Variants in TDP1 observed in about 807,000 individuals in gnomAD.
TDP1 encodes tyrosyl-DNA phosphodiesterase 1.
In TDP1, 64 loss-of-function variants were observed where a neutral mutation model predicts 81.5. That is an observed-to-expected ratio of 0.79 (90% CI 0.64 to 0.97). The LOEUF (loss-of-function observed/expected upper bound fraction) is 0.97. TDP1 is among the 50% of genes least tolerant of loss of function. The probability of loss-of-function intolerance (pLI) is 0.00; values close to 1 mark genes in which losing one functional copy is unlikely to be tolerated. For missense variants in TDP1, 723 were observed against 743.8 expected (o/e 0.97, Z 0.33); for synonymous variants, 256 against 264.3 (o/e 0.97, Z 0.30).
intron 14 of TDP1, among the ~76,000 whole-genome samples, chr14:89,999,599 C>T (rs1897018188): frequency 6.6e-6 from 1 of 151,990 alleles, no homozygotes; most frequent in South Asian, 2.1e-4. Flanking sequence ...AAAACAAATT[C>T]CCCAGAAAAA....
intron 14 of TDP1, among the ~76,000 whole-genome samples, chr14:90,005,509 C>G (rs1416623062): frequency 6.6e-6 from 1 of 152,208 alleles, no homozygotes; most frequent in Non-Finnish European, 1.5e-5. Flanking sequence ...CCAAACCTCA[C>G]CTTTGTGAGG....
At chr14:89,956,086 G>A (rs954041108) in intron 1 of TDP1, 116 bp downstream of exon 1, 1 of 152,520 alleles carries the variant, frequency 6.6e-6, no homozygotes, top group African/African-American at 2.4e-5. Flanking sequence ...GGTCCGGCAG[G>A]GCTGGAGGCG....
chr14:90,020,800 C>CTT (rs869215666), intron 15 of TDP1, among the ~76,000 whole-genome samples: 4 of 123,042 alleles, frequency 3.3e-5, no homozygotes, highest in Non-Finnish European at 5.0e-5. Flanking sequence ...CTAATCCAGT[C>CTT]TTTTTTTTTT....
intron 15 of TDP1, among the ~76,000 whole-genome samples, chr14:90,025,815 C>T (rs1388820116): frequency 1.3e-5 from 2 of 152,222 alleles, no homozygotes; most frequent in African/African-American, 2.4e-5. Context: ...ACAAGTACTT[C>T]TCTCTTTGGA....
At chr14:89,964,750 C>T in intron 3 of TDP1, 4 of 300,422 alleles carry the variant, frequency 1.3e-5, no homozygotes, top group South Asian at 7.9e-5. Flanking sequence ...GAGAATTTTG[C>T]CAAGTTTTGC....
chr14:90,031,250 C>T, intron 15 of TDP1, among the ~76,000 whole-genome samples: 1 of 129,474 alleles, frequency 7.7e-6, no homozygotes, highest in Non-Finnish European at 1.6e-5. Context: ...TAAAGCTATC[C>T]CTCCCCCCTC....
chr14:89,997,614 TC>T (rs1424582780), intron 14 of TDP1, among the ~76,000 whole-genome samples: 6 of 152,164 alleles, frequency 3.9e-5, no homozygotes, highest in Non-Finnish European at 2.9e-5. Flanking sequence ...CTTTGCGACT[TC>T]CAGAGGAGAA....
At chr14:89,959,837 G>A (rs1383728589) in intron 2 of TDP1, among the ~76,000 whole-genome samples, 3 of 152,122 alleles carry the variant, frequency 2.0e-5, no homozygotes, top group Non-Finnish European at 4.4e-5. Context: ...ACATAATAAT[G>A]TACTTAGCAC....
intron 15 of TDP1, chr14:90,032,800 G>A: frequency 2.0e-6 from 2 of 984,906 alleles, no homozygotes; most frequent in Non-Finnish European, 2.4e-6. Flanking sequence ...TGTACATAAT[G>A]TTGGGTTGAA....
At chr14:90,007,944 G>C (rs548983253) in intron 14 of TDP1, among the ~76,000 whole-genome samples, 13 of 152,234 alleles carry the variant, frequency 8.5e-5, no homozygotes, top group Middle Eastern at 3.4e-3. Flanking sequence ...TTTGAGCTCA[G>C]TTGTTGGTAT....
chr14:89,963,638 A>G lies in TDP1; in HGVS notation c.524A>G (p.Lys175Arg). 1 of 1,614,096 alleles carries G rather than the reference A, an allele frequency of 6.2e-7. No individual in the cohort carries two copies. The highest frequency in any genetic ancestry group is 8.5e-7 in the Non-Finnish European group (1 of 1,179,974). Residue 175 changes from lysine (K) to arginine (R), a missense_variant, in exon 3 of 17, where the codon AAG (lysine) becomes AGG (arginine). Physicochemically the swap from Lys to Arg is conservative, Grantham distance 26. Transcript: ENST00000335725. ...TACCTCACTAGAGTCTCTGGAGTTA[A>G]GCCAAAGTATAACTCTGGAGCCCTC... ...QFYLTRVSGV[K>R]PKYNSGALHI... is the part of the protein sequence containing the mutation.
Position 89,984,587 on chromosome 14 carries a change from T to G in TDP1, c.956T>G (p.Phe319Cys). The change falls in exon 9 of 17, where the codon TTT becomes TGT. Residue 319 changes from phenylalanine to cysteine, a missense_variant. Transcript: ENST00000335725. ...AAATCTGGAGAGTCGCCAACACATT[T>G]TAAAGCTGATCTCATCAGTTACTTG... is the stretch of plus-strand genomic sequence containing the variant. ...THKSGESPTHFKADLISYLMA... is the reference protein window; with the variant it reads ...THKSGESPTHCKADLISYLMA... 6.2e-7 allele frequency: 1 copy of G among 1,614,160 alleles called. No homozygotes were observed. Among genetic ancestry groups the G allele is most frequent in the East Asian group, 2.2e-5 (1 of 44,880 alleles).
chr14:89,958,820 C>T (rs57055713), intron 2 of TDP1, among the ~76,000 whole-genome samples: 15,003 of 152,222 alleles, frequency 0.099, 1,944 homozygotes, highest in African/African-American at 0.3. Context: ...GATTTGTCTG[C>T]CTCCTGCCGC....
chr14:90,006,681 T>TG (rs1335159945), intron 14 of TDP1, among the ~76,000 whole-genome samples: 1 of 152,042 alleles, frequency 6.6e-6, no homozygotes, highest in Non-Finnish European at 1.5e-5. Flanking sequence ...GGATTACAGG[T>TG]GCCCGCGACC....
intron 16 of TDP1, among the ~76,000 whole-genome samples, chr14:90,035,786 TG>T (rs1039026798): frequency 6.6e-6 from 1 of 150,572 alleles, no homozygotes; most frequent in Non-Finnish European, 1.5e-5. Context: ...AAGTGGGGAC[TG>T]ACTGACTAGG....
chr14:89,988,213 C>T (rs1333124806), intron 10 of TDP1, among the ~76,000 whole-genome samples: 2 of 152,312 alleles, frequency 1.3e-5, no homozygotes, highest in Non-Finnish European at 2.9e-5. Flanking sequence ...GTTCAGCTGT[C>T]GGAAAGCTCC....
At position 90,011,227 on chromosome 14, in the gene TDP1, A is replaced by G. The variant is rs1479354120; in HGVS notation, c.1542-8089A>G. Among the ~76,000 whole-genome samples, 5 of 152,214 alleles carry G rather than the reference A, an allele frequency of 3.3e-5. No individual in the cohort carries two copies. The East Asian group carries it at 9.6e-4, about 29-fold the overall frequency. ...GTCCATTAAACCTCCTTTCCTTTATAAATTACCCAGTCTTGGGTATGTCTT... is the reference window on the plus strand; with the variant it reads ...GTCCATTAAACCTCCTTTCCTTTATGAATTACCCAGTCTTGGGTATGTCTT... On this transcript the variant is annotated intron_variant, in intron 14 of 16. Transcript: ENST00000335725.
At chr14:90,021,473 CTG>C (rs1886085275) in intron 15 of TDP1, among the ~76,000 whole-genome samples, 1 of 152,200 alleles carries the variant, frequency 6.6e-6, no homozygotes, top group Non-Finnish European at 1.5e-5. Context: ...TCCTTTGTAA[CTG>C]TTCTGACCAT....
At chr14:89,963,770 T>G (rs1435135133) in intron 3 of TDP1, 97 bp downstream of exon 3, 2 of 1,410,702 alleles carry the variant, frequency 1.4e-6, no homozygotes, top group African/African-American at 2.8e-5. Context: ...TTCTGAGAAC[T>G]CTTCTTTGTG....
Sources: gnomAD v4.1 joint callset for allele counts (sites outside exome capture counted in the v4.1 genomes callset) on GRCh38, gnomAD v4.1.1 for gene constraint, MANE v1.5 for transcripts, NCBI Gene and HGNC (gene_info 2026-07-23, HGNC 2026-07-21) for gene names.